The following HIRA variants were observed in gnomAD, a reference collection of about 807,000 sequenced individuals.
The protein encoded by HIRA is protein HIRA.
A neutral mutation model predicts 126.6 loss-of-function variants in HIRA; 13 were observed. The observed-to-expected ratio is 0.10, with a 90% CI of 0.07 to 0.16. HIRA has a LOEUF of 0.16. Ranked by LOEUF, HIRA falls within the 10% of genes least tolerant of loss-of-function variation. HIRA has a pLI of 1.00. For missense variants in HIRA, 834 were observed against 1,314.4 expected (o/e 0.63, Z 5.65); for synonymous variants, 511 against 520.0 (o/e 0.98, Z 0.24).
At chr22:19,363,513 G>A (rs1291409830) in intron 15 of HIRA, among the ~76,000 whole-genome samples, 2 of 152,152 alleles carry the variant, frequency 1.3e-5, no homozygotes, top group East Asian at 3.9e-4. Flanking sequence ...ACCTGGAACA[G>A]GCAAAACCAT....
intron 18 of HIRA, among the ~76,000 whole-genome samples, chr22:19,358,124 C>T (rs1456975169): frequency 3.3e-5 from 5 of 152,200 alleles, no homozygotes; most frequent in African/African-American, 1.2e-4. Context: ...CTTAGCCTCC[C>T]GAGTAGCTGG....
At chr22:19,358,085 C>T (rs541049077) in intron 18 of HIRA, among the ~76,000 whole-genome samples, 5 of 152,230 alleles carry the variant, frequency 3.3e-5, no homozygotes, top group East Asian at 1.9e-4. Flanking sequence ...CTGCAACCTC[C>T]GCCTCCCCAG....
At chr22:19,382,737 A>G (rs2089085630) in intron 13 of HIRA, among the ~76,000 whole-genome samples, 1 of 147,560 alleles carries the variant, frequency 6.8e-6, no homozygotes, top group African/African-American at 2.5e-5. Context: ...GTGGGGGTCT[A>G]TTTCTTTCAC....
At chr22:19,392,318 T>C in intron 8 of HIRA, 104 bp from the exon 9 acceptor site, 1 of 639,448 alleles carries the variant, frequency 1.6e-6, no homozygotes, top group Non-Finnish European at 2.8e-6. Context: ...AGACATTCTC[T>C]GAGCCCAGGC....
At chr22:19,352,694 A>C (rs1556011251) in intron 23 of HIRA, among the ~76,000 whole-genome samples, 1 of 152,226 alleles carries the variant, frequency 6.6e-6, no homozygotes, top group African/African-American at 2.4e-5. Context: ...AATTATAATC[A>C]AAATGGGGAG....
intron 1 of HIRA, among the ~76,000 whole-genome samples, chr22:19,424,386 T>G (rs1014734021): frequency 6.6e-6 from 1 of 152,194 alleles, no homozygotes; most frequent in Non-Finnish European, 1.5e-5. Context: ...GAAAACATTC[T>G]CGATACCCCA....
intron 24 of HIRA, among the ~76,000 whole-genome samples, chr22:19,343,388 C>G (rs1273993642): frequency 6.7e-6 from 1 of 149,798 alleles, no homozygotes; most frequent in Non-Finnish European, 1.5e-5. Context: ...CCCACCTCTA[C>G]CAAGAAAAAA....
chr22:19,396,728 A>G, intron 7 of HIRA, 59 bp downstream of exon 7: 1 of 1,570,638 alleles, frequency 6.4e-7, no homozygotes, highest in South Asian at 1.1e-5. Context: ...TGTACACAGA[A>G]GTCAGGAAGA....
Position 19,353,425 on chromosome 22 carries a change from G to A in HIRA, c.2779C>T (p.Leu927Phe), listed in dbSNP as rs1556011503. 1 of 1,613,092 alleles carries A rather than the reference G, an allele frequency of 6.2e-7. No individual in the cohort carries two copies. The highest frequency in any genetic ancestry group is 8.5e-7 in the Non-Finnish European group (1 of 1,179,944). The change falls in exon 23 of 25, where the codon CTC becomes TTC. Residue 927 changes from leucine to phenylalanine, a missense_variant. This residue lies in a region of HIRA where 468 missense variants were observed against 574.2 expected (regional missense o/e 0.82). Transcript: ENST00000263208. ...TACTCGTGGCTGGACTGCAGGGTGA[G>A]TGCTGCTGCCACCTGGTTCTCTAGG... is the stretch of plus-strand genomic sequence containing the variant. ...AYLENQVAAA[L>F]TLQSSHEYRH... is the part of the protein sequence containing the mutation.
intron 19 of HIRA, 93 bp from the exon 20 acceptor site, chr22:19,356,381 G>T: frequency 9.1e-7 from 1 of 1,096,280 alleles, no homozygotes; most frequent in Non-Finnish European, 1.4e-6. Flanking sequence ...CCTACTGCAT[G>T]CGACCCTAAC....
intron 1 of HIRA, among the ~76,000 whole-genome samples, chr22:19,419,955 A>T (rs998447423): frequency 2.0e-5 from 3 of 152,156 alleles, no homozygotes; most frequent in African/African-American, 7.2e-5. Context: ...TTTAGTAAGC[A>T]TGACACAATG....
chr22:19,379,271 C>T (rs1357163579), intron 13 of HIRA, among the ~76,000 whole-genome samples: 2 of 151,444 alleles, frequency 1.3e-5, no homozygotes, highest in Non-Finnish European at 2.9e-5. Context: ...CTTGGCTTCC[C>T]AAAGTGCTGG....
chr22:19,392,266 C>T, intron 8 of HIRA, 52 bp from the exon 9 acceptor site: 1 of 1,144,464 alleles, frequency 8.7e-7, no homozygotes. Flanking sequence ...TCAGGCATGT[C>T]CCCTGTGCCC....
At chr22:19,366,275 T>C (rs1042821886) in intron 15 of HIRA, among the ~76,000 whole-genome samples, 2 of 152,030 alleles carry the variant, frequency 1.3e-5, no homozygotes, top group African/African-American at 2.4e-5. Flanking sequence ...GGCAGGAGAA[T>C]GGCGTGAACC....
At chr22:19,347,270 C>T (rs2088697538) in intron 24 of HIRA, among the ~76,000 whole-genome samples, 1 of 152,198 alleles carries the variant, frequency 6.6e-6, no homozygotes, top group East Asian at 1.9e-4. Flanking sequence ...TAACTACAAC[C>T]TGATAACCAA....
At chr22:19,430,504 G>A (rs1479284934) in intron 1 of HIRA, among the ~76,000 whole-genome samples, 2 of 152,186 alleles carry the variant, frequency 1.3e-5, no homozygotes, top group Non-Finnish European at 2.9e-5. Flanking sequence ...GCACTGCAAA[G>A]TAGAAATGAG....
At chr22:19,401,004 C>T (rs2089263736) in intron 5 of HIRA, among the ~76,000 whole-genome samples, 1 of 152,142 alleles carries the variant, frequency 6.6e-6, no homozygotes, top group African/African-American at 2.4e-5. Flanking sequence ...ACTTGCCAAC[C>T]ACCTGGTCCT....
chr22:19,417,565 T>A (rs2089409316), intron 1 of HIRA, among the ~76,000 whole-genome samples: 2 of 152,090 alleles, frequency 1.3e-5, no homozygotes, highest in African/African-American at 4.8e-5. Flanking sequence ...GAGGTTGCAG[T>A]GGGCCAAGAT....
intron 24 of HIRA, among the ~76,000 whole-genome samples, chr22:19,338,868 C>T (rs187658146): frequency 3.3e-5 from 5 of 152,220 alleles, no homozygotes; most frequent in Admixed American, 6.5e-5. Context: ...ACAGTAACAG[C>T]GGGGACTTCA....
Sources: allele counts gnomAD v4.1 joint callset (sites outside exome capture counted in the v4.1 genomes callset), GRCh38; gene constraint gnomAD v4.1.1; regional missense constraint gnomAD v4.1.1; transcripts MANE v1.5; gene names NCBI Gene and HGNC (gene_info 2026-07-23, HGNC 2026-07-21).